Variants in CHST9 observed in about 807,000 individuals in gnomAD.
The protein encoded by CHST9 is carbohydrate sulfotransferase 9, also known as GalNAc-4-sulfotransferase 2.
A neutral mutation model predicts 44.4 loss-of-function variants in CHST9; 41 were observed. That is an observed-to-expected ratio of 0.92 (90% CI 0.72 to 1.20). The LOEUF (loss-of-function observed/expected upper bound fraction) is 1.20. Ranked by LOEUF, CHST9 falls within the 50% of genes most tolerant of loss-of-function variation. The pLI is 0.00. For synonymous variants in CHST9, 171 were observed against 178.4 expected (o/e 0.96, Z 0.33); for missense variants, 504 against 516.5 (o/e 0.98, Z 0.23).
intron 2 of CHST9, among the ~76,000 whole-genome samples, chr18:27,058,860 G>A (rs572235955): frequency 1.4e-4 from 21 of 152,106 alleles, no homozygotes; most frequent in African/African-American, 4.8e-4. Context: ...ATATCATTAG[G>A]TTTTGTCATA....
chr18:26,918,814 A>G (rs2055588910), intron 5 of CHST9, among the ~76,000 whole-genome samples: 1 of 151,870 alleles, frequency 6.6e-6, no homozygotes, highest in Admixed American at 6.6e-5. Context: ...TGTGTGAATA[A>G]CCCCCTGAAT....
At chr18:27,072,459 G>T (rs1162140355) in intron 2 of CHST9, among the ~76,000 whole-genome samples, 1 of 151,988 alleles carries the variant, frequency 6.6e-6, no homozygotes, top group Admixed American at 6.6e-5. Context: ...CAACTTCTTG[G>T]CAATATTTAC....
At position 26,912,403 on chromosome 18, in the gene CHST9, A is replaced by C. The variant is rs2055453371; in HGVS notation, c.*3856T>G. On this transcript the variant is annotated 3_prime_UTR_variant, in exon 6 of 6. Coordinates refer to ENST00000618847, the MANE Select transcript of CHST9 (RefSeq NM_031422.6). ...CACACACACACACACACACACACAC[A>C]CACACACACAGACACCCATATTTGT... 4 of 152,026 alleles carry C rather than the reference A, an allele frequency of 2.6e-5. No individual in the cohort carries two copies. In the South Asian group the frequency reaches 8.3e-4, roughly 32 times the overall value. The allele number at this position is 152,026 out of a possible 1,614,324, so 9.4% of individuals were successfully genotyped here. A position where few individuals can be genotyped will look rare whatever the true frequency, so the allele number is the denominator to read the frequency against.
intron 1 of CHST9, among the ~76,000 whole-genome samples, chr18:27,150,094 GC>G (rs1340485061): frequency 6.7e-5 from 10 of 150,290 alleles, no homozygotes; most frequent in Non-Finnish European, 1.3e-4. Context: ...TTAGTGAAAG[GC>G]TTTTTGATTT....
intron 4 of CHST9, among the ~76,000 whole-genome samples, chr18:26,996,712 T>C (rs2056892141): frequency 6.6e-6 from 1 of 152,182 alleles, no homozygotes; most frequent in South Asian, 2.1e-4. Flanking sequence ...CTTGGATTAC[T>C]GTCCAAAATA....
At chr18:27,081,491 C>T (rs1183654682) in intron 2 of CHST9, among the ~76,000 whole-genome samples, 1 of 152,208 alleles carries the variant, frequency 6.6e-6, no homozygotes, top group Non-Finnish European at 1.5e-5. Context: ...GAAAGCAGTG[C>T]ACCTACCTTA....
rs2055478802 is a variant in CHST9 at position 26,914,091 on chromosome 18, C to A, written c.*2168G>T. 1 of 152,174 alleles carries A rather than the reference C, an allele frequency of 6.6e-6. No individual in the cohort carries two copies. Among genetic ancestry groups the A allele is most frequent in the Admixed American group, 6.5e-5 (1 of 15,268 alleles). The allele number at this position is 152,174 out of a possible 1,614,324, so 9.4% of individuals were successfully genotyped here. On this transcript the variant is annotated 3_prime_UTR_variant, in exon 6 of 6. Transcript: ENST00000618847. Reference sequence around the variant, plus strand: ...AAAGGAACATATACAGCAAAAGGTACAATACAGCTTTCCGTAGAGAACACT... The same window carrying A: ...AAAGGAACATATACAGCAAAAGGTAAAATACAGCTTTCCGTAGAGAACACT...
chr18:26,946,084 A>G (rs1002136239), intron 4 of CHST9, among the ~76,000 whole-genome samples: 2 of 152,146 alleles, frequency 1.3e-5, no homozygotes, highest in African/African-American at 4.8e-5. Flanking sequence ...AGATAATAAG[A>G]ATCAATTTTC....
At chr18:27,036,919 T>G (rs527461137) in intron 3 of CHST9, among the ~76,000 whole-genome samples, 1 of 152,152 alleles carries the variant, frequency 6.6e-6, no homozygotes, top group South Asian at 2.1e-4. Flanking sequence ...GAGGAGGAAG[T>G]GGGGAGTTGC....
chr18:27,157,809 A>G (rs2058709645), intron 1 of CHST9, among the ~76,000 whole-genome samples: 1 of 152,130 alleles, frequency 6.6e-6, no homozygotes, highest in Non-Finnish European at 1.5e-5. Context: ...TAAAATACAA[A>G]ACATGTAAAA....
At chr18:27,019,710 A>AAAAAG (rs960028668) in intron 4 of CHST9, among the ~76,000 whole-genome samples, 86 of 150,916 alleles carry the variant, frequency 5.7e-4, no homozygotes, top group Admixed American at 1.5e-3. Flanking sequence ...AAAAAAAAAA[A>AAAAAG]AGAGAGAAAA....
intron 4 of CHST9, among the ~76,000 whole-genome samples, chr18:27,006,146 A>T (rs1271260176): frequency 6.6e-6 from 1 of 152,218 alleles, no homozygotes; most frequent in Admixed American, 6.5e-5. Flanking sequence ...AACGATCGGT[A>T]TGCCACTGGA....
At chr18:27,077,009 A>G (rs2143666403) in intron 2 of CHST9, among the ~76,000 whole-genome samples, 1 of 152,348 alleles carries the variant, frequency 6.6e-6, no homozygotes, top group Middle Eastern at 3.4e-3. Flanking sequence ...ACTCTACTAG[A>G]AAAGGCAGTC....
In CHST9 at chr18:26,944,386, G is replaced by T. The variant is rs550195082; in HGVS notation, c.203-20C>A. The T allele has an allele frequency of 2.5e-6, 4 of 1,572,448 alleles. No individual in the cohort carries two copies. The highest frequency in any genetic ancestry group is 4.5e-5 in the East Asian group (2 of 44,620). On this transcript the variant is annotated intron_variant, in intron 4 of 5. Transcript: ENST00000618847. The stretch of plus-strand genomic sequence containing the variant: ...TACTCACTGAAAGAGAAAGCAAAAA[G>T]AATTTTTACATTAAAGCATGAAAAT...
intron 5 of CHST9, among the ~76,000 whole-genome samples, chr18:26,937,651 C>A (rs1470981874): frequency 6.6e-6 from 1 of 152,152 alleles, no homozygotes; most frequent in Non-Finnish European, 1.5e-5. Context: ...GGCATGACCA[C>A]TTATGCATGC....
chr18:27,025,749 T>C (rs1041656668), intron 3 of CHST9, among the ~76,000 whole-genome samples: 3 of 152,186 alleles, frequency 2.0e-5, no homozygotes, highest in African/African-American at 7.2e-5. Flanking sequence ...ACCCAATTTA[T>C]TGTAATTGCA....
At chr18:26,945,863 T>A (rs1345601471) in intron 4 of CHST9, among the ~76,000 whole-genome samples, 2 of 152,180 alleles carry the variant, frequency 1.3e-5, no homozygotes, top group African/African-American at 4.8e-5. Context: ...AAAAAAGATG[T>A]CCCAAGTGAA....
At chr18:27,054,320 G>A (rs1199478149) in intron 2 of CHST9, among the ~76,000 whole-genome samples, 1 of 152,128 alleles carries the variant, frequency 6.6e-6, no homozygotes, top group Non-Finnish European at 1.5e-5. Flanking sequence ...TCCTAGTTGT[G>A]CTTTATTTTA....
At chr18:27,030,143 A>G (rs1411704020) in intron 3 of CHST9, among the ~76,000 whole-genome samples, 4 of 152,214 alleles carry the variant, frequency 2.6e-5, no homozygotes, top group African/African-American at 9.6e-5. Flanking sequence ...TCAGATTTCT[A>G]TGACTTCACA....
Sources: gnomAD v4.1 joint callset for allele counts (sites outside exome capture counted in the v4.1 genomes callset) on GRCh38, gnomAD v4.1.1 for gene constraint, MANE v1.5 for transcripts, NCBI Gene and HGNC (gene_info 2026-07-23, HGNC 2026-07-21) for gene names.